The following CELF2 variants were observed in gnomAD, a reference collection of about 807,000 sequenced individuals.
The protein encoded by CELF2 is CUGBP Elav-like family member 2.
CELF2 carries 8 observed loss-of-function variants against 62.6 expected under a neutral mutation model. The observed-to-expected ratio is 0.13, with a 90% CI of 0.07 to 0.23. The LOEUF is 0.23. CELF2 is among the 10% of genes least tolerant of loss of function. The pLI is 1.00. For missense variants in CELF2, 333 were observed against 671.0 expected (o/e 0.50, Z 5.56); for synonymous variants, 258 against 250.0 (o/e 1.03, Z -0.30).
chr10:10,877,352 G>A (rs987475154), intron 1 of CELF2, among the ~76,000 whole-genome samples: 1 of 152,222 alleles, frequency 6.6e-6, no homozygotes, highest in Non-Finnish European at 1.5e-5. Context: ...ACATTTTAGG[G>A]AGACATGAGA....
At position 11,217,332 on chromosome 10, in the gene CELF2, C is replaced by T; in HGVS notation, c.272-93C>T. On this transcript the variant is annotated intron_variant, in intron 2 of 12. Transcript: ENST00000633077. This position sits in a 1 kb window ranked among gnomAD's most constrained non-coding sequence, Gnocchi z 5.6. ...CTTTATTATTTTTAAATTGTGCGTC[C>T]TTTTAAGTAGATTGTTTGTTCGCCA... 2 of 797,672 alleles carry T rather than the reference C, an allele frequency of 2.5e-6. No individual in the cohort carries two copies. Among genetic ancestry groups the T allele is most frequent in the Non-Finnish European group, 2.1e-6 (1 of 485,318 alleles). 49.4% of individuals were successfully genotyped at this position (797,672 alleles called of 1,614,324 possible).
the CELF2 span, among the ~76,000 whole-genome samples, chr10:10,611,750 A>T: frequency 3.3e-5 from 5 of 152,222 alleles, no homozygotes; most frequent in African/African-American, 1.2e-4. Flanking sequence ...ACCTCTCTCT[A>T]TATGGATAGG....
rs556558030 is a variant in CELF2 at position 10,990,999 on chromosome 10, G to A, written c.89+71000G>A. Among the ~76,000 whole-genome samples the A allele has an allele frequency of 6.6e-5, 10 of 152,142 alleles. No homozygotes were observed. The highest frequency in any genetic ancestry group is 2.4e-4 in the African/African-American group (10 of 41,462). On this transcript the variant is annotated intron_variant, in intron 2 of 13. Coordinates refer to the CELF2 transcript ENST00000636488. The surrounding 1 kb of genome is among the most constrained non-coding windows in gnomAD (Gnocchi z 4.6). ...TGTGTGTGTGTGTGTGCCCACACGT[G>A]TGTGTTGTTTTGTTTGTGTGAGTTT... is the stretch of plus-strand genomic sequence containing the variant.
chr10:11,040,769 C>G, intron 1 of CELF2, among the ~76,000 whole-genome samples: 1 of 152,026 alleles, frequency 6.6e-6, no homozygotes, highest in East Asian at 1.9e-4. Context: ...CACCTTCTAC[C>G]TTTCAGGTGT....
the CELF2 span, among the ~76,000 whole-genome samples, chr10:10,580,479 C>T: frequency 6.6e-6 from 1 of 152,098 alleles, no homozygotes; most frequent in Non-Finnish European, 1.5e-5. Context: ...TGTTCGCACC[C>T]TTAAATGTTA....
chr10:10,789,584 A>G, the CELF2 span, among the ~76,000 whole-genome samples: 17 of 152,166 alleles, frequency 1.1e-4, no homozygotes, highest in Non-Finnish European at 2.9e-5. Context: ...CTCACCAGCC[A>G]TATATGAGTG....
In CELF2 at chr10:10,957,131, C is replaced by T. The variant is rs1205749582; in HGVS notation, c.89+37132C>T. 6.6e-6 allele frequency among the ~76,000 whole-genome samples: 1 copy of T among 152,140 alleles called. No homozygotes were observed. Among genetic ancestry groups the T allele is most frequent in the Non-Finnish European group, 1.5e-5 (1 of 68,026 alleles). ...AGTATTTAGAGGCAGCCACCTTCTC[C>T]TCTAATCCTCTCTTTGCTGTGCCTC... On this transcript the variant is annotated intron_variant, in intron 2 of 13. Coordinates refer to the CELF2 transcript ENST00000636488. This position sits in a 1 kb window ranked among gnomAD's most constrained non-coding sequence, Gnocchi z 4.1.
At chr10:11,059,862 C>T (rs2066289759) in intron 1 of CELF2, among the ~76,000 whole-genome samples, 1 of 152,208 alleles carries the variant, frequency 6.6e-6, no homozygotes, top group African/African-American at 2.4e-5. Context: ...GGAATAGAGC[C>T]TTTGCATTTA....
Position 11,317,006 on chromosome 10 carries a change from A to G in CELF2, c.1096+2748A>G, listed in dbSNP as rs183667411. 4.7e-4 allele frequency: 72 copies of G among 152,348 alleles called. 3 individuals are homozygous for G. In the East Asian group the frequency reaches 0.014, roughly 29 times the overall value. The allele number at this position is 152,348 out of a possible 1,614,324, so 9.4% of individuals were successfully genotyped here. A position where few individuals can be genotyped will look rare whatever the true frequency, so the allele number is the denominator to read the frequency against. ...TCAGGGTTCCCTGAGCATGTTTTAT[A>G]TGTTAACATCTGAACTAAGTTGAAG... On this transcript the variant is annotated intron_variant, in intron 10 of 12. Coordinates refer to ENST00000633077, the MANE Select transcript of CELF2 (RefSeq NM_001326342.2).
the CELF2 span, among the ~76,000 whole-genome samples, chr10:10,592,595 A>G: frequency 6.6e-6 from 1 of 152,184 alleles, no homozygotes; most frequent in Non-Finnish European, 1.5e-5. Flanking sequence ...CATATCTTAT[A>G]AGATAAGACA....
chr10:10,715,255 C>G, the CELF2 span, among the ~76,000 whole-genome samples: 1 of 152,060 alleles, frequency 6.6e-6, no homozygotes, highest in Non-Finnish European at 1.5e-5. Flanking sequence ...GAAAAGGCAC[C>G]TTTTGCTTTT....
In CELF2 at chr10:11,268,698, G is replaced by GT. The variant is rs3837314; in HGVS notation, c.619-1958dup. Among the ~76,000 whole-genome samples, 2 of 151,084 alleles carry GT rather than the reference G, an allele frequency of 1.3e-5. No homozygotes were observed. The highest frequency in any genetic ancestry group is 2.4e-5 in the African/African-American group (1 of 40,858). ...CTCTGACACTTAAATTTCTTGTTTG[G>GT]TTTTTTTTTTAATTGGCATTTAAAT... On this transcript the variant is annotated intron_variant, in intron 6 of 12. Coordinates refer to ENST00000633077, the MANE Select transcript of CELF2 (RefSeq NM_001326342.2). This position sits in a 1 kb window ranked among gnomAD's most constrained non-coding sequence, Gnocchi z 4.7.
chr10:10,623,967 G>C, the CELF2 span, among the ~76,000 whole-genome samples: 2 of 152,170 alleles, frequency 1.3e-5, no homozygotes, highest in African/African-American at 4.8e-5. Context: ...CTACACCCAA[G>C]AAGGGAGGGC....
the CELF2 span, among the ~76,000 whole-genome samples, chr10:10,542,662 C>T: frequency 1.3e-5 from 2 of 152,210 alleles, no homozygotes; most frequent in Non-Finnish European, 2.9e-5. Context: ...GGCTTTCACT[C>T]CTTCTCTGTT....
intron 1 of CELF2, among the ~76,000 whole-genome samples, chr10:10,918,882 C>CCTCCTCTCCT (rs1375699605): frequency 2.0e-5 from 3 of 151,730 alleles, no homozygotes; most frequent in African/African-American, 7.3e-5. Flanking sequence ...GAAGTTGAGC[C>CCTCCTCTCCT]CTCCTCTCCT....
rs539112547 is a variant in CELF2, at chr10:11,150,146, A to G, written c.75-15340A>G. 1.3e-3 allele frequency among the ~76,000 whole-genome samples: 198 copies of G among 152,380 alleles called. 1 individual carries two copies. Among genetic ancestry groups the G allele is most frequent in the African/African-American group, 4.5e-3 (188 of 41,592 alleles). ...TGTTGTCTTTACTAACATAAGACAC[A>G]AGTCTTTCCAAGTAGTTCTGTTTTC... On this transcript the variant is annotated intron_variant, in intron 1 of 12. Transcript: ENST00000633077.
chr10:10,634,097 C>T, the CELF2 span, among the ~76,000 whole-genome samples: 1 of 152,012 alleles, frequency 6.6e-6, no homozygotes, highest in African/African-American at 2.4e-5. Flanking sequence ...CTAGAATAAG[C>T]TTGTCTTGAT....
At chr10:11,144,807 A>C (rs1395409337) in intron 1 of CELF2, among the ~76,000 whole-genome samples, 1 of 149,004 alleles carries the variant, frequency 6.7e-6, no homozygotes, top group Non-Finnish European at 1.5e-5. Context: ...TGGGAGAATC[A>C]CTTGAGCTCA....
rs558540855 is a variant in CELF2, at chr10:11,049,204, G to A, written c.74+31041G>A. ...ATATTTTCAATAGCTGCACTTGTTAGTATGCCATCTTTTTTTTTTTTAAAA... is the reference window on the plus strand; with the variant it reads ...ATATTTTCAATAGCTGCACTTGTTAATATGCCATCTTTTTTTTTTTTAAAA... On this transcript the variant is annotated intron_variant, in intron 1 of 12. Coordinates refer to ENST00000633077, the MANE Select transcript of CELF2 (RefSeq NM_001326342.2). Among the ~76,000 whole-genome samples, 3 of 148,110 alleles carry A rather than the reference G, an allele frequency of 2.0e-5. 1 individual carries two copies. The South Asian group carries it at 6.4e-4, about 32-fold the overall frequency.
Sources: gnomAD v4.1 joint callset for allele counts (sites outside exome capture counted in the v4.1 genomes callset) on GRCh38, gnomAD v4.1.1 for gene constraint, Gnocchi (gnomAD v3.1) non-coding constraint, MANE v1.5 for transcripts, NCBI Gene and HGNC (gene_info 2026-07-23, HGNC 2026-07-21) for gene names.